The following MAP2K1 variants were observed in gnomAD, a reference collection of about 807,000 sequenced individuals.
MAP2K1 encodes dual specificity mitogen-activated protein kinase kinase 1.
In MAP2K1, 16 loss-of-function variants were observed where a neutral mutation model predicts 46.3. The observed-to-expected ratio is 0.35, with a 90% CI of 0.23 to 0.52. The LOEUF (loss-of-function observed/expected upper bound fraction) is 0.52, where lower values mean the gene tolerates loss of function less well. Ranked by LOEUF, MAP2K1 falls within the 20% of genes least tolerant of loss-of-function variation. The probability of loss-of-function intolerance (pLI) is 0.94; values close to 1 mark genes in which losing one functional copy is unlikely to be tolerated. For synonymous variants in MAP2K1, 183 were observed against 185.6 expected (o/e 0.99, Z 0.11); for missense variants, 263 against 497.1 (o/e 0.53, Z 4.48).
chr15:66,487,631 C>T (rs1336725512), intron 8 of MAP2K1, among the ~76,000 whole-genome samples: 2 of 152,126 alleles, frequency 1.3e-5, no homozygotes, highest in Non-Finnish European at 2.9e-5. Context: ...ATCGCTGTCA[C>T]AGGTTCAGTC....
In MAP2K1 at chr15:66,490,927, T is replaced by TG. The variant is rs1173833787; in HGVS notation, c.*313dup. 1 of 470,476 alleles carries TG rather than the reference T, an allele frequency of 2.1e-6. No individual in the cohort carries two copies. Among genetic ancestry groups the TG allele is most frequent in the African/African-American group, 1.9e-5 (1 of 51,624 alleles). 29.1% of individuals were successfully genotyped at this position (470,476 alleles called of 1,614,324 possible). A position where few individuals can be genotyped will look rare whatever the true frequency, so the allele number is the denominator to read the frequency against. ...GAATGTGGGTAGTCATTCTTACAAT[T>TG]GCACTGCTGTTCCTGCTCCATGACT... On this transcript the variant is annotated 3_prime_UTR_variant, in exon 11 of 11. Coordinates refer to ENST00000307102, the MANE Select transcript of MAP2K1 (RefSeq NM_002755.4).
At chr15:66,477,071 T>C (rs1892770461) in intron 5 of MAP2K1, among the ~76,000 whole-genome samples, 3 of 152,162 alleles carry the variant, frequency 2.0e-5, no homozygotes, top group South Asian at 4.1e-4. Context: ...CAATGTGGTC[T>C]AGCAGTGAAA....
intron 1 of MAP2K1, among the ~76,000 whole-genome samples, chr15:66,412,868 TTTTATTTA>T (rs1057224167): frequency 6.6e-6 from 1 of 151,590 alleles, no homozygotes. Flanking sequence ...CTTGTGGAAA[TTTTATTTA>T]TTTATTTATT....
intron 5 of MAP2K1, among the ~76,000 whole-genome samples, chr15:66,462,405 C>G (rs1944136556): frequency 6.9e-6 from 1 of 145,738 alleles, no homozygotes; most frequent in Admixed American, 7.2e-5. Flanking sequence ...GAGGCTGAGA[C>G]AGAATTGCTT....
intron 1 of MAP2K1, among the ~76,000 whole-genome samples, chr15:66,392,260 T>TTTTTG (rs2093358137): frequency 1.9e-5 from 2 of 107,966 alleles, no homozygotes; most frequent in Admixed American, 1.8e-4. Flanking sequence ...TTTGGGTTTT[T>TTTTTG]TTTTTTTTTT....
intron 1 of MAP2K1, among the ~76,000 whole-genome samples, chr15:66,414,452 A>G (rs575408056): frequency 3.3e-4 from 50 of 152,260 alleles, no homozygotes; most frequent in Admixed American, 1.2e-3. Context: ...GAAGAGGCAT[A>G]TAGGGTAAGG....
At chr15:66,387,558 G>T in intron 1 of MAP2K1, 131 bp downstream of exon 1, 1 of 866,260 alleles carries the variant, frequency 1.2e-6, no homozygotes, top group African/African-American at 1.7e-5. Context: ...AGAAACTCCC[G>T]GCCGCCGAGG....
chr15:66,454,175 C>G (rs577825097), intron 5 of MAP2K1, among the ~76,000 whole-genome samples: 1 of 152,258 alleles, frequency 6.6e-6, no homozygotes, highest in South Asian at 2.1e-4. Context: ...CTGCTTATGT[C>G]AAGTTTGTTC....
intron 5 of MAP2K1, among the ~76,000 whole-genome samples, chr15:66,469,639 A>G (rs1215070486): frequency 2.0e-5 from 3 of 149,716 alleles, no homozygotes; most frequent in Non-Finnish European, 3.0e-5. Flanking sequence ...TCTCAAAAAA[A>G]GACAGGGTCC....
chr15:66,425,027 C>T (rs963630758), intron 1 of MAP2K1, among the ~76,000 whole-genome samples: 2 of 151,934 alleles, frequency 1.3e-5, no homozygotes, highest in African/African-American at 4.8e-5. Context: ...AACTCCCAAC[C>T]TTAGGTGATC....
At chr15:66,433,618 C>T (rs1411709159) in intron 1 of MAP2K1, among the ~76,000 whole-genome samples, 1 of 152,172 alleles carries the variant, frequency 6.6e-6, no homozygotes, top group African/African-American at 2.4e-5. Context: ...CTTCATTTCC[C>T]TGTCTTCTAG....
rs532187944 is a variant in MAP2K1 at position 66,477,212 on chromosome 15, T to C, written c.569-4543T>C. ...CCAGGGATGGTGGCAAGCTGTGTTA[T>C]GTAAGTTTGAAAAAAGGAGGCTTGC... On this transcript the variant is annotated intron_variant, in intron 5 of 10. Transcript: ENST00000307102. Among the ~76,000 whole-genome samples the C allele has an allele frequency of 3.3e-5, 5 of 152,246 alleles. No individual in the cohort carries two copies. In the East Asian group the frequency reaches 7.7e-4, roughly 24 times the overall value.
chr15:66,431,159 G>C (rs914464966), intron 1 of MAP2K1, among the ~76,000 whole-genome samples: 3 of 152,138 alleles, frequency 2.0e-5, no homozygotes, highest in African/African-American at 7.2e-5. Context: ...CAGTTTTGCT[G>C]ATTTCAGTTA....
chr15:66,457,661 C>G (rs562436694), intron 5 of MAP2K1, among the ~76,000 whole-genome samples: 3 of 152,092 alleles, frequency 2.0e-5, no homozygotes, highest in Admixed American at 2.0e-4. Context: ...AATTTAAGCA[C>G]AAAACTGGGC....
Position 66,462,831 on chromosome 15 carries a change from A to G in MAP2K1, c.568+18124A>G, listed in dbSNP as rs560673218. ...TGTAAACACAACAGGGGACTTCCTT[A>G]TAGGGATCCAGGGGGCCCTTAGGGA... On this transcript the variant is annotated intron_variant, in intron 5 of 10. Transcript: ENST00000307102. Among the ~76,000 whole-genome samples, 20 of 152,284 alleles carry G rather than the reference A, an allele frequency of 1.3e-4. 1 individual carries two copies. Among genetic ancestry groups the G allele is most frequent in the Middle Eastern group, 6.8e-3 (2 of 294 alleles).
intron 1 of MAP2K1, among the ~76,000 whole-genome samples, chr15:66,408,742 G>T (rs1352103297): frequency 2.6e-5 from 4 of 152,010 alleles, no homozygotes; most frequent in Admixed American, 2.0e-4. Context: ...GTCTTCTACT[G>T]GGGATTCCCG....
At chr15:66,403,354 A>G (rs2093387147) in intron 1 of MAP2K1, among the ~76,000 whole-genome samples, 1 of 152,174 alleles carries the variant, frequency 6.6e-6, no homozygotes, top group African/African-American at 2.4e-5. Context: ...TGGTTGAGGG[A>G]AAAGAGAATA....
At chr15:66,388,374 T>G (rs941754000) in intron 1 of MAP2K1, among the ~76,000 whole-genome samples, 7 of 152,296 alleles carry the variant, frequency 4.6e-5, no homozygotes, top group Admixed American at 2.0e-4. Context: ...ATTATTTTTT[T>G]GCCTTTTTTT....
At chr15:66,448,943 G>T (rs1009027969) in intron 5 of MAP2K1, among the ~76,000 whole-genome samples, 1 of 136,202 alleles carries the variant, frequency 7.3e-6, no homozygotes, top group African/African-American at 2.8e-5. Flanking sequence ...GGCAGAAGTT[G>T]CAGTGAGCTG....
Sources: allele counts gnomAD v4.1 joint callset (sites outside exome capture counted in the v4.1 genomes callset), GRCh38; gene constraint gnomAD v4.1.1; transcripts MANE v1.5; gene names NCBI Gene and HGNC (gene_info 2026-07-23, HGNC 2026-07-21).